Variants in DIPK2A observed in about 807,000 individuals in gnomAD.
DIPK2A encodes Golgi Protein of 49 kDa.
In DIPK2A, 27 loss-of-function variants were observed where a neutral mutation model predicts 39.0. The observed-to-expected ratio is 0.69, with a 90% CI of 0.51 to 0.96. DIPK2A has a LOEUF of 0.96. DIPK2A is among the 40% of genes least tolerant of loss of function. The probability of loss-of-function intolerance (pLI) is 0.00; values close to 1 mark genes in which losing one functional copy is unlikely to be tolerated. For synonymous variants in DIPK2A, 298 were observed against 240.8 expected (o/e 1.24, Z -2.20); for missense variants, 528 against 571.3 (o/e 0.92, Z 0.77).
Position 143,972,801 on chromosome 3 carries a change from A to T in DIPK2A, c.469A>T (p.Thr157Ser). The T allele has an allele frequency of 6.4e-7, 1 of 1,566,064 alleles. No individual in the cohort carries two copies. The highest frequency in any genetic ancestry group is 8.6e-7 in the Non-Finnish European group (1 of 1,159,548). Residue 157 changes from threonine to serine, a missense_variant, in exon 1 of 3, where the codon ACG becomes TCG. By Grantham distance (58) the Thr-to-Ser change is moderately conservative. Coordinates refer to ENST00000315691, the MANE Select transcript of DIPK2A (RefSeq NM_173552.5). ...CCTCAACGGCGACGTGCGTCTGCTC[A>T]CGCCCGAGGCGGTGGAGGGCTGGTC... ...ARLNGDVRLL[T>S]PEAVEGWSDL... is the part of the protein sequence containing the mutation.
At chr3:143,973,055 A>C in intron 1 of DIPK2A, 66 bp downstream of exon 1, 1 of 1,508,632 alleles carries the variant, frequency 6.6e-7, no homozygotes, top group Non-Finnish European at 8.9e-7. Flanking sequence ...GAGTCGGGAG[A>C]AGTGGCTCAG....
At chr3:143,978,328 A>G (rs2087759605) in intron 1 of DIPK2A, 3 of 152,412 alleles carry the variant, frequency 2.0e-5, no homozygotes, top group Non-Finnish European at 4.4e-5. Context: ...TGGTTGTAAC[A>G]TGACTGAAAA....
intron 1 of DIPK2A, among the ~76,000 whole-genome samples, chr3:143,984,546 G>T (rs2087871530): frequency 6.6e-6 from 1 of 151,868 alleles, no homozygotes; most frequent in South Asian, 2.1e-4. Flanking sequence ...TGGTGGAGCA[G>T]TCAGAACACA....
At chr3:143,987,525 C>CCACAATAAAA (rs1467363597) in intron 2 of DIPK2A, among the ~76,000 whole-genome samples, 1 of 152,190 alleles carries the variant, frequency 6.6e-6, no homozygotes, top group Non-Finnish European at 1.5e-5. Flanking sequence ...TTTCCACTTT[C>CCACAATAAAA]TAGTAAATGA....
rs1350722591 is a variant in DIPK2A, at chr3:143,989,503, T to C, written c.962-7T>C. ...TTTTTCTACTTCTGCTTTTCCTCCT[T>C]TCACAGATAAACCTGAAAATTGGGA... On this transcript the variant is annotated splice_region_variant and splice_polypyrimidine_tract_variant and intron_variant, in intron 2 of 2. Coordinates refer to ENST00000315691, the MANE Select transcript of DIPK2A (RefSeq NM_173552.5). The C allele has an allele frequency of 1.3e-6, 2 of 1,586,262 alleles. No individual in the cohort carries two copies. Among genetic ancestry groups the C allele is most frequent in the Admixed American group, 1.8e-5 (1 of 55,204 alleles).
rs1576815084 is a variant in DIPK2A at position 143,989,949 on chromosome 3, A to T, written c.*108A>T. ...AATTTGGAAGTGTTACATTCAGAGG[A>T]TGATAAACTTGCACTGATAGATCTT... is the stretch of plus-strand genomic sequence containing the variant. On this transcript the variant is annotated 3_prime_UTR_variant, in exon 3 of 3. Transcript: ENST00000315691. The T allele has an allele frequency of 5.1e-6, 4 of 791,362 alleles. No homozygotes were observed. The East Asian group carries it at 1.1e-4, about 21-fold the overall frequency. The allele number at this position is 791,362 out of a possible 1,614,324, so 49.0% of individuals were successfully genotyped here.
Position 143,972,122 on chromosome 3 carries a change from G to T in DIPK2A, c.-211G>T, listed in dbSNP as rs1462527378. On this transcript the variant is annotated 5_prime_UTR_variant, in exon 1 of 3. Coordinates refer to ENST00000315691, the MANE Select transcript of DIPK2A (RefSeq NM_173552.5). ...GAGGAGGGAGCTCGAGAGTTGTGGA[G>T]ACTAGTGACTGGGAGAAGTCGCAGC... 2 of 412,852 alleles carry T rather than the reference G, an allele frequency of 4.8e-6. No individual in the cohort carries two copies. The highest frequency in any genetic ancestry group is 4.1e-5 in the African/African-American group (2 of 48,444). 25.6% of individuals were successfully genotyped at this position (412,852 alleles called of 1,614,324 possible).
Position 143,972,389 on chromosome 3 carries a change from GGCGCTGGGCA to G in DIPK2A, c.60_69del (p.Leu21CysfsTer4). 1 of 1,428,594 alleles carries G rather than the reference GGCGCTGGGCA, an allele frequency of 7.0e-7. No homozygotes were observed. The highest frequency in any genetic ancestry group is 9.2e-7 in the Non-Finnish European group (1 of 1,088,892). 88.5% of individuals were successfully genotyped at this position (1,428,594 alleles called of 1,614,324 possible). On this transcript the variant is annotated frameshift_variant, in exon 1 of 3. Transcript: ENST00000315691. LOFTEE classifies it high-confidence loss of function. ...GCCTGTCCCGCTCGCTGAAGCTGGC[GGCGCTGGGCA>G]GCCTGTTGGTGCTGATGGTGCTGCA...
At chr3:143,983,363 A>G (rs908145397) in intron 1 of DIPK2A, among the ~76,000 whole-genome samples, 2 of 152,202 alleles carry the variant, frequency 1.3e-5, no homozygotes, top group Non-Finnish European at 2.9e-5. Flanking sequence ...TCAGACCACA[A>G]TTCTAATTGC....
chr3:143,990,171 G>T lies in DIPK2A; in HGVS notation c.*330G>T. ...AGTACATTGGCTTGTGTATCAAAGGGTACTTGGTACTTAGTTTGCATTTAC... is the reference window on the plus strand; with the variant it reads ...AGTACATTGGCTTGTGTATCAAAGGTTACTTGGTACTTAGTTTGCATTTAC... On this transcript the variant is annotated 3_prime_UTR_variant, in exon 3 of 3. Coordinates refer to ENST00000315691, the MANE Select transcript of DIPK2A (RefSeq NM_173552.5). The T allele has an allele frequency of 5.1e-6, 1 of 196,466 alleles. No homozygotes were observed. Among genetic ancestry groups the T allele is most frequent in the Non-Finnish European group, 1.0e-5 (1 of 95,994 alleles). The allele number at this position is 196,466 out of a possible 1,614,324, so 12.2% of individuals were successfully genotyped here.
rs1024513327 is a variant in DIPK2A at position 143,992,178 on chromosome 3, C to T, written c.*2337C>T. On this transcript the variant is annotated 3_prime_UTR_variant, in exon 3 of 3. Transcript: ENST00000315691. ...CAGCAATTTATATTTTTAATCATTG[C>T]CCATTAATAGACGCAGTAAAATATT... 6.6e-6 allele frequency: 1 copy of T among 152,504 alleles called. No individual in the cohort carries two copies. The highest frequency in any genetic ancestry group is 2.4e-5 in the African/African-American group (1 of 41,398). 9.4% of individuals were successfully genotyped at this position (152,504 alleles called of 1,614,324 possible). A position where few individuals can be genotyped will look rare whatever the true frequency, so the allele number is the denominator to read the frequency against.
intron 2 of DIPK2A, 138 bp from the exon 3 acceptor site, chr3:143,989,372 T>G (rs2087948013): frequency 1.6e-6 from 1 of 608,976 alleles, no homozygotes; most frequent in Admixed American, 3.1e-5. Context: ...TTTATATATT[T>G]AAATGTTTAT....
rs914576209 is a variant in DIPK2A, at chr3:143,989,833, G to A, written c.1285G>A (p.Val429Met). Residue 429 changes from valine to methionine, a missense_variant, in exon 3 of 3, where the codon GTG becomes ATG. Around this residue, in one of 2 missense-constraint regions of DIPK2A, gnomAD observed 219 missense variants for 281.5 expected, o/e 0.78. Coordinates refer to ENST00000315691, the MANE Select transcript of DIPK2A (RefSeq NM_173552.5). ...ATACCTAGCACAATTAAGTAACAAC[G>A]TGAGGTAGTCTATGGTGAACTTTTC... The part of the protein sequence containing the change: ...REYLAQLSNN[V>M]R 6.2e-7 allele frequency: 1 copy of A among 1,611,064 alleles called. No individual in the cohort carries two copies. The highest frequency in any genetic ancestry group is 8.5e-7 in the Non-Finnish European group (1 of 1,177,482).
At chr3:143,974,128 T>A (rs1415062307) in intron 1 of DIPK2A, among the ~76,000 whole-genome samples, 5 of 151,996 alleles carry the variant, frequency 3.3e-5, no homozygotes, top group Non-Finnish European at 5.9e-5. Context: ...GGGTTTTTTT[T>A]TTTTTTATTT....
intron 1 of DIPK2A, among the ~76,000 whole-genome samples, chr3:143,984,219 G>A (rs1321258042): frequency 6.6e-6 from 1 of 152,172 alleles, no homozygotes; most frequent in Non-Finnish European, 1.5e-5. Flanking sequence ...CAGTAAGGCT[G>A]TTTTGCTTTC....
At chr3:143,978,114 CAG>C (rs2087756660) in intron 1 of DIPK2A, among the ~76,000 whole-genome samples, 1 of 152,144 alleles carries the variant, frequency 6.6e-6, no homozygotes, top group African/African-American at 2.4e-5. Flanking sequence ...TCCAGCTTCT[CAG>C]GGGATTGTCA....
intron 1 of DIPK2A, chr3:143,973,542 G>C (rs2087688512): frequency 6.4e-7 from 1 of 1,550,810 alleles, no homozygotes; most frequent in Non-Finnish European, 8.7e-7. Flanking sequence ...GATGAAGTCG[G>C]AGAACGGGAC....
intron 1 of DIPK2A, among the ~76,000 whole-genome samples, chr3:143,983,578 A>G (rs763306463): frequency 1.3e-5 from 2 of 152,242 alleles, no homozygotes; most frequent in Non-Finnish European, 2.9e-5. Context: ...GAAAATCTAT[A>G]GCATTAAATG....
At chr3:143,985,490 C>T (rs2087885751) in intron 1 of DIPK2A, 53 bp from the exon 2 acceptor site, 8 of 1,463,842 alleles carry the variant, frequency 5.5e-6, no homozygotes, top group Admixed American at 1.7e-5. Flanking sequence ...TGAGGATAGA[C>T]CTAGGATATT....
Sources: allele counts gnomAD v4.1 joint callset (sites outside exome capture counted in the v4.1 genomes callset), GRCh38; gene constraint gnomAD v4.1.1; regional missense constraint gnomAD v4.1.1; transcripts MANE v1.5; gene names NCBI Gene and HGNC (gene_info 2026-07-23, HGNC 2026-07-21).